Variants in NETO1 observed in about 807,000 individuals in gnomAD.
NETO1 encodes the protein neuropilin and tolloid like 1, also known as neuropilin and tolloid-like protein 1.
A neutral mutation model predicts 61.3 loss-of-function variants in NETO1; 26 were observed. The observed-to-expected ratio is 0.42, with a 90% CI of 0.31 to 0.59. The LOEUF (loss-of-function observed/expected upper bound fraction) is 0.59, where lower values mean the gene tolerates loss of function less well. Ranked by LOEUF, NETO1 falls within the 20% of genes least tolerant of loss-of-function variation. NETO1 has a pLI of 0.12. For missense variants in NETO1, 531 were observed against 662.8 expected (o/e 0.80, Z 2.18); for synonymous variants, 225 against 225.8 (o/e 1.00, Z 0.03).
intron 7 of NETO1, among the ~76,000 whole-genome samples, chr18:72,775,500 T>C (rs1238686131): frequency 6.6e-6 from 1 of 152,198 alleles, no homozygotes; most frequent in African/African-American, 2.4e-5. Flanking sequence ...TTTGTCTTAA[T>C]ACTTGAGAGC....
intron 8 of NETO1, among the ~76,000 whole-genome samples, chr18:72,751,586 T>C (rs1039681802): frequency 6.6e-6 from 1 of 152,178 alleles, no homozygotes; most frequent in African/African-American, 2.4e-5. Flanking sequence ...CCTCTCAGCC[T>C]TCACTTGGAG....
intron 4 of NETO1, among the ~76,000 whole-genome samples, chr18:72,820,386 T>C (rs1032196263): frequency 1.3e-5 from 2 of 152,224 alleles, no homozygotes; most frequent in African/African-American, 2.4e-5. Flanking sequence ...AAATCAATGA[T>C]GGAATATACA....
intron 4 of NETO1, among the ~76,000 whole-genome samples, chr18:72,813,819 T>C (rs969573037): frequency 6.6e-6 from 1 of 152,006 alleles, no homozygotes; most frequent in African/African-American, 2.4e-5. Context: ...ATCAGGTTTC[T>C]AGAAAGGGAG....
intron 4 of NETO1, among the ~76,000 whole-genome samples, chr18:72,804,880 C>T (rs2072624222): frequency 1.3e-5 from 2 of 152,176 alleles, no homozygotes; most frequent in South Asian, 4.1e-4. Flanking sequence ...TGTCATTCAT[C>T]CTTAATATTC....
At chr18:72,789,393 A>T (rs1055284470) in intron 6 of NETO1, among the ~76,000 whole-genome samples, 8 of 152,078 alleles carry the variant, frequency 5.3e-5, no homozygotes, top group Non-Finnish European at 1.5e-5. Flanking sequence ...TGAACTGTAC[A>T]ATTTTTTTGG....
At chr18:72,824,342 C>A (rs1432783705) in intron 4 of NETO1, among the ~76,000 whole-genome samples, 2 of 152,098 alleles carry the variant, frequency 1.3e-5, no homozygotes, top group Non-Finnish European at 2.9e-5. Context: ...TATTGTGTGT[C>A]TCTTCTTTTA....
chr18:72,824,808 G>A (rs1046959694), intron 4 of NETO1, among the ~76,000 whole-genome samples: 2 of 152,098 alleles, frequency 1.3e-5, no homozygotes, highest in African/African-American at 4.8e-5. Flanking sequence ...GAACCTGGGA[G>A]GTGGAGGCTG....
intron 4 of NETO1, among the ~76,000 whole-genome samples, chr18:72,843,987 A>G (rs997580870): frequency 6.6e-6 from 1 of 152,218 alleles, no homozygotes; most frequent in African/African-American, 2.4e-5. Flanking sequence ...TAGTTCTCCA[A>G]CAAGCTCCTC....
intron 4 of NETO1, among the ~76,000 whole-genome samples, chr18:72,855,447 C>T (rs1318512020): frequency 6.6e-6 from 1 of 152,116 alleles, no homozygotes; most frequent in African/African-American, 2.4e-5. Context: ...TAAAAATAAC[C>T]GTCAGCAAAC....
At chr18:72,743,057 G>C (rs1356061168), downstream of NETO1, among the ~76,000 whole-genome samples, 1 of 152,136 alleles carries the variant, frequency 6.6e-6, no homozygotes, top group Non-Finnish European at 1.5e-5. Flanking sequence ...AAACATACCT[G>C]TCAGAGGCTT....
intron 4 of NETO1, among the ~76,000 whole-genome samples, chr18:72,815,637 G>GT (rs1164472752): frequency 6.6e-6 from 1 of 152,182 alleles, no homozygotes; most frequent in East Asian, 1.9e-4. Context: ...AGAAAAGGAT[G>GT]TAAGACTGAC....
intron 4 of NETO1, among the ~76,000 whole-genome samples, chr18:72,804,389 C>T (rs913725213): frequency 6.6e-6 from 1 of 152,188 alleles, no homozygotes; most frequent in Non-Finnish European, 1.5e-5. Flanking sequence ...TTTCACACTG[C>T]TAGCCACATT....
rs140239011 is a variant in NETO1, at chr18:72,827,222, A to T, written c.469+31604T>A. On this transcript the variant is annotated intron_variant, in intron 4 of 10. Coordinates refer to ENST00000327305, the MANE Select transcript of NETO1 (RefSeq NM_138966.5). ...TTTATTCTGTATGTTTAATATATCCATAGTAAAACAATTACTTAAAAACAA... is the reference window on the plus strand; with the variant it reads ...TTTATTCTGTATGTTTAATATATCCTTAGTAAAACAATTACTTAAAAACAA... 1.1e-4 allele frequency among the ~76,000 whole-genome samples: 16 copies of T among 151,966 alleles called. No individual in the cohort carries two copies. The East Asian group carries it at 2.7e-3, about 26-fold the overall frequency.
rs200916643 is a variant in NETO1 at position 72,756,192 on chromosome 18, C to T, written c.869-45G>A. 14 of 881,742 alleles carry T rather than the reference C, an allele frequency of 1.6e-5. No homozygotes were observed. In the Admixed American group the frequency reaches 2.5e-4, roughly 15 times the overall value. 54.6% of individuals were successfully genotyped at this position (881,742 alleles called of 1,614,324 possible). A position where few individuals can be genotyped will look rare whatever the true frequency, so the allele number is the denominator to read the frequency against. ...GACAAAGGAGGAAAGTTATAACTGA[C>T]ATTCAGTAGTAAATCACTCACATTA... is the stretch of plus-strand genomic sequence containing the variant. On this transcript the variant is annotated intron_variant, in intron 7 of 10. Coordinates refer to ENST00000327305, the MANE Select transcript of NETO1 (RefSeq NM_138966.5).
chr18:72,832,973 T>G (rs574263562), intron 4 of NETO1, among the ~76,000 whole-genome samples: 7 of 152,330 alleles, frequency 4.6e-5, no homozygotes, highest in Middle Eastern at 3.4e-3. Flanking sequence ...TAGAAGGCTA[T>G]GTAAATGTCT....
chr18:72,765,492 C>T (rs1424272151), intron 7 of NETO1, among the ~76,000 whole-genome samples: 1 of 152,022 alleles, frequency 6.6e-6, no homozygotes, highest in African/African-American at 2.4e-5. Context: ...GATCTCAGCT[C>T]ACTGCAACTT....
At chr18:72,855,748 A>T (rs2074394496) in intron 4 of NETO1, among the ~76,000 whole-genome samples, 1 of 152,244 alleles carries the variant, frequency 6.6e-6, no homozygotes, top group African/African-American at 2.4e-5. Context: ...TTAGTTTGCC[A>T]GTCAGGCAAG....
chr18:72,806,103 G>A (rs1282620320), intron 4 of NETO1, among the ~76,000 whole-genome samples: 1 of 152,034 alleles, frequency 6.6e-6, no homozygotes, highest in Non-Finnish European at 1.5e-5. Context: ...TACCTACGAC[G>A]TCCTTTTCAC....
intron 3 of NETO1, among the ~76,000 whole-genome samples, chr18:72,863,617 A>G (rs73474086): frequency 0.015 from 2,236 of 152,216 alleles, 70 homozygotes; most frequent in African/African-American, 0.051. Context: ...TTCAACTTCA[A>G]GTAGTAAGGG....
Sources: gnomAD v4.1 joint callset for allele counts (sites outside exome capture counted in the v4.1 genomes callset) on GRCh38, gnomAD v4.1.1 for gene constraint, MANE v1.5 for transcripts, NCBI Gene and HGNC (gene_info 2026-07-23, HGNC 2026-07-21) for gene names.